Variants in BIRC6 observed in about 807,000 individuals in gnomAD.
BIRC6 encodes the protein baculoviral IAP repeat containing 6.
A neutral mutation model predicts 503.3 loss-of-function variants in BIRC6; 98 were observed. The observed-to-expected ratio is 0.19, with a 90% CI of 0.17 to 0.23. The LOEUF is 0.23. Among genes scored for constraint, BIRC6 ranks in the 10% least tolerant of loss-of-function variants. BIRC6 has a pLI of 1.00. For missense variants in BIRC6, 5,360 were observed against 5,806.0 expected (o/e 0.92, Z 2.50); for synonymous variants, 2,240 against 2,078.7 (o/e 1.08, Z -2.11).
intron 45 of BIRC6, among the ~76,000 whole-genome samples, chr2:32,496,890 C>T (rs1022650271): frequency 1.3e-4 from 20 of 152,168 alleles, no homozygotes; most frequent in African/African-American, 4.8e-4. Context: ...CAGTTGTACT[C>T]GTTCGGACTT....
intron 50 of BIRC6, among the ~76,000 whole-genome samples, chr2:32,505,630 G>A (rs1015474337): frequency 1.3e-5 from 2 of 151,998 alleles, no homozygotes; most frequent in Non-Finnish European, 2.9e-5. Context: ...CTACCTTTTT[G>A]AATAATATTA....
intron 59 of BIRC6, chr2:32,527,057 A>G (rs915769806): frequency 2.0e-5 from 3 of 152,260 alleles, no homozygotes; most frequent in African/African-American, 4.8e-5. Flanking sequence ...TAAGGATACC[A>G]AGGACAGAAT....
rs1558947087 is a variant in BIRC6, at chr2:32,515,679, C to T, written c.11258C>T (p.Thr3753Ile). 1 of 1,606,820 alleles carries T rather than the reference C, an allele frequency of 6.2e-7. No individual in the cohort carries two copies. The highest frequency in any genetic ancestry group is 8.5e-7 in the Non-Finnish European group (1 of 1,179,856). The change falls in exon 55 of 74, where the codon ACT becomes ATT. Residue 3753 changes from threonine to isoleucine, a missense_variant. Around this residue, in one of 16 missense-constraint regions of BIRC6, gnomAD observed 878 missense variants for 928.9 expected, o/e 0.95. Transcript: ENST00000421745. ...TCAGCTGCTACAACAGGACTGACTA[C>T]TCAACAGCGCACAGCAATTGAGAAT... ...LSSAATTGLTTQQRTAIENAT... is the reference protein window; with the variant it reads ...LSSAATTGLTIQQRTAIENAT...
intron 10 of BIRC6, among the ~76,000 whole-genome samples, chr2:32,424,131 T>C (rs2043221637): frequency 6.6e-6 from 1 of 152,222 alleles, no homozygotes; most frequent in South Asian, 2.1e-4. Context: ...AGAACAAATC[T>C]TCTGTTTGTG....
At chr2:32,362,075 G>A (rs577186698) in intron 1 of BIRC6, among the ~76,000 whole-genome samples, 139 of 152,182 alleles carry the variant, frequency 9.1e-4, no homozygotes, top group Admixed American at 1.8e-3. Context: ...TGGGTTGCAT[G>A]TGAGAGTATG....
In BIRC6 at chr2:32,534,219, C is replaced by T. The variant is rs562501282; in HGVS notation, c.12291+2668C>T. 1.1e-4 allele frequency among the ~76,000 whole-genome samples: 16 copies of T among 147,238 alleles called. No homozygotes were observed. In the East Asian group the frequency reaches 3.3e-3, roughly 30 times the overall value. On this transcript the variant is annotated intron_variant, in intron 61 of 73. Transcript: ENST00000421745. Reference sequence around the variant, plus strand: ...TGAAACCCCGTCTCTACTAAAAATACAAAAATTAGCCCGGTGTGGTAGTGG... The same window carrying T: ...TGAAACCCCGTCTCTACTAAAAATATAAAAATTAGCCCGGTGTGGTAGTGG...
Position 32,362,827 on chromosome 2 carries a change from T to C in BIRC6, c.325+5341T>C, listed in dbSNP as rs994028719. Among the ~76,000 whole-genome samples the C allele has an allele frequency of 3.5e-4, 53 of 152,164 alleles. 1 individual carries two copies. Among genetic ancestry groups the C allele is most frequent in the African/African-American group, 1.2e-3 (51 of 41,428 alleles). On this transcript the variant is annotated intron_variant, in intron 1 of 73. Coordinates refer to ENST00000421745, the MANE Select transcript of BIRC6 (RefSeq NM_016252.4). The stretch of plus-strand genomic sequence containing the variant: ...TTTAAATTCATCCCATTACACAGAA[T>C]TATTTTAATTTTTAAACACCTGTCT...
At chr2:32,455,810 G>T (rs981884109) in intron 23 of BIRC6, among the ~76,000 whole-genome samples, 1 of 152,112 alleles carries the variant, frequency 6.6e-6, no homozygotes, top group Non-Finnish European at 1.5e-5. Flanking sequence ...TCTTTACAGG[G>T]CTAGTCTGTG....
At chr2:32,510,893 A>C (rs753037685) in intron 53 of BIRC6, among the ~76,000 whole-genome samples, 6 of 152,194 alleles carry the variant, frequency 3.9e-5, no homozygotes, top group Non-Finnish European at 5.9e-5. Context: ...TGAGGAATGG[A>C]ATAAAACATA....
rs371719105 is a variant in BIRC6 at position 32,438,599 on chromosome 2, G to T, written c.3632-909G>T. Among the ~76,000 whole-genome samples, 9 of 135,742 alleles carry T rather than the reference G, an allele frequency of 6.6e-5. No homozygotes were observed. In the South Asian group the frequency reaches 1.4e-3, roughly 21 times the overall value. 89.1% of individuals were successfully genotyped at this position (135,742 alleles called of 152,430 possible). ...TTTTGAGACGGAGTCTTGCTCTGTC[G>T]CCCAGGCTGGAGTGCAGTGGTGCCA... On this transcript the variant is annotated intron_variant, in intron 15 of 73. Transcript: ENST00000421745.
intron 10 of BIRC6, among the ~76,000 whole-genome samples, chr2:32,420,124 T>C (rs1261511139): frequency 6.6e-6 from 1 of 152,234 alleles, no homozygotes; most frequent in Non-Finnish European, 1.5e-5. Flanking sequence ...TTTTTGCATA[T>C]CGTTCATCAG....
chr2:32,513,989 T>C (rs2054726001), intron 54 of BIRC6, among the ~76,000 whole-genome samples: 1 of 21,874 alleles, frequency 4.6e-5, no homozygotes, highest in Non-Finnish European at 8.0e-5. Flanking sequence ...AAGAATTGTT[T>C]GAGTCTGCAG....
intron 1 of BIRC6, among the ~76,000 whole-genome samples, chr2:32,372,305 T>G (rs1420509366): frequency 6.6e-6 from 1 of 152,160 alleles, no homozygotes; most frequent in Non-Finnish European, 1.5e-5. Context: ...ACATCTTCCC[T>G]TTACCACTAA....
At chr2:32,584,336 C>T (rs1481355803) in intron 66 of BIRC6, among the ~76,000 whole-genome samples, 1 of 152,132 alleles carries the variant, frequency 6.6e-6, no homozygotes, top group African/African-American at 2.4e-5. Flanking sequence ...TCAAGACCAG[C>T]CTGGCCAACA....
intron 61 of BIRC6, among the ~76,000 whole-genome samples, chr2:32,537,673 A>G (rs2057342304): frequency 6.6e-6 from 1 of 152,210 alleles, no homozygotes; most frequent in Admixed American, 6.5e-5. Context: ...TATATTTTAA[A>G]ACAATTATTT....
chr2:32,488,995 T>C (rs929615889), intron 42 of BIRC6, among the ~76,000 whole-genome samples: 2 of 152,116 alleles, frequency 1.3e-5, no homozygotes, highest in African/African-American at 2.4e-5. Context: ...TCTTGAAGTT[T>C]TGTCTGATCT....
intron 65 of BIRC6, among the ~76,000 whole-genome samples, chr2:32,571,292 T>A (rs528812720): frequency 6.6e-6 from 1 of 151,922 alleles, no homozygotes; most frequent in Non-Finnish European, 1.5e-5. Flanking sequence ...AACTCCTCCT[T>A]AATTTTTTTA....
intron 2 of BIRC6, chr2:32,378,920 A>T (rs116337306): frequency 6.6e-6 from 1 of 152,202 alleles, no homozygotes; most frequent in Admixed American, 6.5e-5. Flanking sequence ...GTTTGAAAGT[A>T]CATTTTTCAT....
chr2:32,406,688 T>C (rs984907652), intron 9 of BIRC6, 131 bp downstream of exon 9: 24 of 567,492 alleles, frequency 4.2e-5, no homozygotes, highest in African/African-American at 4.0e-4. Flanking sequence ...CACAGAAGAC[T>C]GAAATATTGT....
Sources: gnomAD v4.1 joint callset for allele counts (sites outside exome capture counted in the v4.1 genomes callset) on GRCh38, gnomAD v4.1.1 for gene constraint, gnomAD v4.1.1 regional missense constraint, MANE v1.5 for transcripts, NCBI Gene and HGNC (gene_info 2026-07-23, HGNC 2026-07-21) for gene names.